Variants in SLC39A11 observed in about 807,000 individuals in gnomAD.
SLC39A11 encodes zinc transporter ZIP11.
Under a neutral mutation model 36.1 loss-of-function variants are expected in SLC39A11, and 33 were observed. That is an observed-to-expected ratio of 0.91 (90% CI 0.69 to 1.22). The LOEUF (loss-of-function observed/expected upper bound fraction) is 1.22, where lower values mean the gene tolerates loss of function less well. Ranked by LOEUF, SLC39A11 falls within the 50% of genes most tolerant of loss-of-function variation. The pLI, the probability that SLC39A11 is intolerant of heterozygous loss-of-function variation, is 0.00. For missense variants in SLC39A11, 432 were observed against 430.3 expected (o/e 1.00, Z -0.03); for synonymous variants, 166 against 170.3 (o/e 0.97, Z 0.20).
At chr17:72,942,414 C>T (rs1194576389) in intron 5 of SLC39A11, among the ~76,000 whole-genome samples, 1 of 152,138 alleles carries the variant, frequency 6.6e-6, no homozygotes, top group Admixed American at 6.5e-5. Flanking sequence ...TGAAAATACT[C>T]TTTCATTTTT....
intron 1 of SLC39A11, among the ~76,000 whole-genome samples, chr17:73,090,860 C>T (rs1318395827): frequency 1.3e-5 from 2 of 152,098 alleles, no homozygotes; most frequent in Non-Finnish European, 1.5e-5. Context: ...GAGGGAAGAC[C>T]GAGGCCACCA....
At chr17:72,777,859 ATG>A in intron 6 of SLC39A11, among the ~76,000 whole-genome samples, 1 of 145,056 alleles carries the variant, frequency 6.9e-6, no homozygotes, top group Non-Finnish European at 1.5e-5. Context: ...GTATGTATGT[ATG>A]TATGTATATA....
chr17:72,929,894 A>G (rs2084277795), intron 5 of SLC39A11, among the ~76,000 whole-genome samples: 1 of 152,198 alleles, frequency 6.6e-6, no homozygotes, highest in South Asian at 2.1e-4. Flanking sequence ...TCCTCCAGGG[A>G]AAGACAATGT....
chr17:72,839,612 C>T (rs2078717185), intron 6 of SLC39A11: 1 of 152,220 alleles, frequency 6.6e-6, no homozygotes, highest in Non-Finnish European at 1.5e-5. Flanking sequence ...TGATGTCAGA[C>T]TTCTGGCCTC....
At chr17:72,811,497 A>C (rs1025649762) in intron 6 of SLC39A11, among the ~76,000 whole-genome samples, 8 of 152,222 alleles carry the variant, frequency 5.3e-5, no homozygotes, top group African/African-American at 1.9e-4. Context: ...ATCCACCTGG[A>C]TCTCAGAAGG....
chr17:72,717,856 G>A (rs2073473650), intron 7 of SLC39A11, among the ~76,000 whole-genome samples: 1 of 152,170 alleles, frequency 6.6e-6, no homozygotes, highest in African/African-American at 2.4e-5. Context: ...GGCTGTCTAG[G>A]AGGTGAGGCT....
chr17:72,771,811 G>T (rs1046905127), intron 6 of SLC39A11, among the ~76,000 whole-genome samples: 9 of 152,184 alleles, frequency 5.9e-5, no homozygotes, highest in Non-Finnish European at 1.0e-4. Context: ...CTCACATCAT[G>T]CTGATTTCAA....
intron 6 of SLC39A11, among the ~76,000 whole-genome samples, chr17:72,832,759 A>C (rs2078342123): frequency 6.6e-6 from 1 of 152,256 alleles, no homozygotes; most frequent in Non-Finnish European, 1.5e-5. Context: ...ATGGAGACAA[A>C]ACAAACAGGG....
chr17:73,051,600 G>A (rs950679716), intron 3 of SLC39A11, among the ~76,000 whole-genome samples: 4 of 150,978 alleles, frequency 2.6e-5, no homozygotes, highest in Non-Finnish European at 5.9e-5. Context: ...GTTCAGGCCT[G>A]TAATCCCGGC....
chr17:72,941,134 G>A (rs769921455), intron 5 of SLC39A11, among the ~76,000 whole-genome samples: 13 of 152,072 alleles, frequency 8.5e-5, no homozygotes, highest in Non-Finnish European at 1.5e-4. Context: ...TTAGCCAGGT[G>A]TGGTGGCGCA....
chr17:72,838,766 A>G (rs891220249), intron 6 of SLC39A11, among the ~76,000 whole-genome samples: 6 of 152,278 alleles, frequency 3.9e-5, no homozygotes, highest in African/African-American at 1.4e-4. Flanking sequence ...TAAATATGCC[A>G]CTGACCTTGA....
At chr17:73,029,716 G>C (rs2058679488) in intron 4 of SLC39A11, among the ~76,000 whole-genome samples, 2 of 151,976 alleles carry the variant, frequency 1.3e-5, no homozygotes, top group African/African-American at 4.8e-5. Context: ...TGAGTAGCTG[G>C]GATTACAGGT....
chr17:72,849,683 C>T lies in SLC39A11; in HGVS notation c.552G>A (p.Trp184Ter). Residue 184 changes from tryptophan to a stop codon, truncating the protein, a stop_gained, in exon 6 of 10, where the codon TGG becomes TGA. Transcript: ENST00000255559. LOFTEE classifies it high-confidence loss of function. ...CCAAGATGAGCAGTGCGATCCTCCT[C>T]CAGCTGCTGCCGCCGGGCTGTGCCA... is the stretch of plus-strand genomic sequence containing the variant. Reference protein sequence around the residue: ...GNLAQPGGSSWRRIALLILAI... With the variant: ...GNLAQPGGSS 3.1e-6 allele frequency: 5 copies of T among 1,608,170 alleles called. No individual in the cohort carries two copies. Among genetic ancestry groups the T allele is most frequent in the East Asian group, 2.2e-5 (1 of 44,674 alleles).
intron 6 of SLC39A11, among the ~76,000 whole-genome samples, chr17:72,744,952 C>T (rs1354208683): frequency 6.6e-6 from 1 of 152,188 alleles, no homozygotes; most frequent in Non-Finnish European, 1.5e-5. Flanking sequence ...AGTGATTCTC[C>T]TGCCTCAACC....
At chr17:72,668,996 C>G (rs553478936) in intron 7 of SLC39A11, among the ~76,000 whole-genome samples, 1 of 152,266 alleles carries the variant, frequency 6.6e-6, no homozygotes, top group Non-Finnish European at 1.5e-5. Context: ...ACACATAAAA[C>G]AATAGCAACA....
At chr17:72,694,896 G>A (rs539000003) in intron 7 of SLC39A11, among the ~76,000 whole-genome samples, 2 of 152,160 alleles carry the variant, frequency 1.3e-5, no homozygotes, top group Non-Finnish European at 2.9e-5. Context: ...TTTCCTCCCC[G>A]GGAGAGTCTC....
At chr17:72,757,310 C>G (rs1416786344) in intron 6 of SLC39A11, among the ~76,000 whole-genome samples, 1 of 152,126 alleles carries the variant, frequency 6.6e-6, no homozygotes, top group Non-Finnish European at 1.5e-5. Context: ...ATCCCATGAG[C>G]CAGGACATGA....
rs147429078 is a variant in SLC39A11 at position 72,656,050 on chromosome 17, G to A, written c.672-6782C>T. 8.9e-4 allele frequency among the ~76,000 whole-genome samples: 136 copies of A among 152,248 alleles called. 1 individual carries two copies. The highest frequency in any genetic ancestry group is 3.1e-3 in the African/African-American group (128 of 41,546). Reference sequence around the variant, plus strand: ...GTCTAACTAAACACTCTGAGCTGACGATCCTGGGCAGGTGGGGTTGGTGGG... The same window carrying A: ...GTCTAACTAAACACTCTGAGCTGACAATCCTGGGCAGGTGGGGTTGGTGGG... On this transcript the variant is annotated intron_variant, in intron 7 of 9. Transcript: ENST00000255559.
At chr17:72,982,799 C>T (rs1159694463) in intron 4 of SLC39A11, among the ~76,000 whole-genome samples, 3 of 151,416 alleles carry the variant, frequency 2.0e-5, no homozygotes, top group African/African-American at 7.3e-5. Context: ...AATTACATAA[C>T]ATTTGATGAA....
Sources: allele counts gnomAD v4.1 joint callset (sites outside exome capture counted in the v4.1 genomes callset), GRCh38; gene constraint gnomAD v4.1.1; transcripts MANE v1.5; gene names NCBI Gene and HGNC (gene_info 2026-07-23, HGNC 2026-07-21).